The following HYAL1 variants were observed in gnomAD, a reference collection of about 807,000 sequenced individuals.
HYAL1 encodes hyaluronidase-1.
Under a neutral mutation model 28.8 loss-of-function variants are expected in HYAL1, and 21 were observed. The ratio of observed to expected loss-of-function variants is 0.73; its 90% CI spans 0.52 to 1.05. The LOEUF (loss-of-function observed/expected upper bound fraction) is 1.05, where lower values mean the gene tolerates loss of function less well. Among genes scored for constraint, HYAL1 ranks in the 50% least tolerant of loss-of-function variants. HYAL1 has a pLI of 0.00. For missense variants in HYAL1, 491 were observed against 579.2 expected (o/e 0.85, Z 1.56); for synonymous variants, 200 against 230.1 (o/e 0.87, Z 1.18).
intron 1 of HYAL1, among the ~76,000 whole-genome samples, chr3:50,310,067 C>A (rs4688734): frequency 1.3e-5 from 2 of 151,242 alleles, no homozygotes; most frequent in African/African-American, 4.9e-5. Flanking sequence ...AGAATAAAAT[C>A]ATGTTTCAAA....
chr3:50,308,442 ATATTAT>A (rs782455940), upstream of HYAL1, among the ~76,000 whole-genome samples: 10 of 149,300 alleles, frequency 6.7e-5, no homozygotes, highest in Admixed American at 3.3e-4. Context: ...GTCGTATTAT[ATATTAT>A]TATTATTATT....
rs782042512 is a variant in HYAL1, at chr3:50,299,988, G to A, written c.*495C>T. ...CCACAAACTCAGTAGGAGTGCAAGG[G>A]CTGTACCCCCGGAGCTAGACAGCCT... is the stretch of plus-strand genomic sequence containing the variant. On this transcript the variant is annotated 3_prime_UTR_variant, in exon 4 of 4. Coordinates refer to ENST00000395144, the MANE Select transcript of HYAL1 (RefSeq NM_033159.4). 8.7e-6 allele frequency: 2 copies of A among 230,060 alleles called. No individual in the cohort carries two copies. Among genetic ancestry groups the A allele is most frequent in the Non-Finnish European group, 1.8e-5 (2 of 113,838 alleles). The allele number at this position is 230,060 out of a possible 1,614,324, so 14.3% of individuals were successfully genotyped here. A position where few individuals can be genotyped will look rare whatever the true frequency, so the allele number is the denominator to read the frequency against.
At chr3:50,300,939 T>TGGGGGGGGGGGGGGGGGGGGGGGGGG in intron 3 of HYAL1, 49 bp downstream of exon 3, 5 of 959,362 alleles carry the variant, frequency 5.2e-6, no homozygotes, top group Non-Finnish European at 8.4e-6. Context: ...GTCAGCTTAA[T>TGGGGGGGGGGGGGGGGGGGGGGGGGG]GGCCCCACCC....
In HYAL1 at chr3:50,300,488, A is replaced by C; in HGVS notation, c.1303T>G (p.Trp435Gly). 2 of 1,614,124 alleles carry C rather than the reference A, an allele frequency of 1.2e-6. No homozygotes were observed. Among genetic ancestry groups the C allele is most frequent in the Non-Finnish European group, 1.7e-6 (2 of 1,180,002 alleles). The change falls in exon 4 of 4, where the codon TGG becomes GGG. Residue 435 changes from tryptophan (W) to glycine (G), a missense_variant. Coordinates refer to ENST00000395144, the MANE Select transcript of HYAL1 (RefSeq NM_033159.4). ...GCAACTCAGTGTGTGGCCAATCACC[A>C]CATGCTCTTCCGCTCACACCACGGT... ...QAPWCERKSM[W>G]
At chr3:50,308,511 G>A (rs587643913), upstream of HYAL1, among the ~76,000 whole-genome samples, 47 of 149,912 alleles carry the variant, frequency 3.1e-4, 1 homozygote, top group Admixed American at 9.9e-4. Context: ...GCAGTGGCGC[G>A]ATCTCAGCTC....
At chr3:50,304,297 ATATATATAT>A (rs1378104373), upstream of HYAL1, among the ~76,000 whole-genome samples, 70 of 14,768 alleles carry the variant, frequency 4.7e-3, 2 homozygotes, top group East Asian at 0.024. Context: ...AAAAAAAAAA[ATATATATAT>A]ATATATATAT....
intron 3 of HYAL1, 49 bp downstream of exon 3, chr3:50,300,939 T>TGGGGGGGGGG: frequency 2.5e-5 from 24 of 959,336 alleles, no homozygotes; most frequent in Middle Eastern, 2.5e-4. Context: ...GTCAGCTTAA[T>TGGGGGGGGGG]GGCCCCACCC....
intron 1 of HYAL1, chr3:50,303,257 T>G (rs1702245257): frequency 3.2e-6 from 1 of 317,124 alleles, no homozygotes; most frequent in African/African-American, 2.1e-5. Context: ...CATGAGCCAC[T>G]GAGGCCATGA....
chr3:50,300,470 A>G lies in HYAL1; in HGVS notation c.*13T>C, dbSNP rs377022984. ...ATTAGGTTCTCAATATGTGCAACTC[A>G]GTGTGTGGCCAATCACCACATGCTC... On this transcript the variant is annotated 3_prime_UTR_variant, in exon 4 of 4. Coordinates refer to ENST00000395144, the MANE Select transcript of HYAL1 (RefSeq NM_033159.4). The G allele has an allele frequency of 6.2e-7, 1 of 1,613,910 alleles. No individual in the cohort carries two copies. The highest frequency in any genetic ancestry group is 1.1e-5 in the South Asian group (1 of 91,080).
chr3:50,308,299 G>T (rs1324265782), upstream of HYAL1, among the ~76,000 whole-genome samples: 2 of 149,978 alleles, frequency 1.3e-5, 1 homozygote, highest in African/African-American at 5.0e-5. Context: ...GCTAATTTTT[G>T]TATTTTTGGT....
chr3:50,304,296 A>AAAAAATATATATATATAT (rs1553713686), upstream of HYAL1, among the ~76,000 whole-genome samples: 1 of 30,478 alleles, frequency 3.3e-5, no homozygotes, highest in African/African-American at 1.0e-4. Context: ...AAAAAAAAAA[A>AAAAAATATATATATATAT]ATATATATAT....
At chr3:50,311,095 C>T (rs1315634509) in intron 1 of HYAL1, among the ~76,000 whole-genome samples, 12 of 152,048 alleles carry the variant, frequency 7.9e-5, no homozygotes, top group Non-Finnish European at 1.2e-4. Flanking sequence ...CATCATGGCC[C>T]GTTCTCAATG....
chr3:50,311,571 G>T (rs1475358797), intron 1 of HYAL1, among the ~76,000 whole-genome samples: 5 of 141,360 alleles, frequency 3.5e-5, no homozygotes, highest in Non-Finnish European at 7.8e-5. Context: ...CAGGCGGGGG[G>T]CTGACCCCCC....
chr3:50,310,577 TTTTC>T (rs1198670701), intron 1 of HYAL1, among the ~76,000 whole-genome samples: 2 of 147,120 alleles, frequency 1.4e-5, no homozygotes, highest in Non-Finnish European at 3.0e-5. Context: ...CTGTGGTTTC[TTTTC>T]TTTTTTTTTT....
In HYAL1 at chr3:50,300,746, G is replaced by C; in HGVS notation, c.1045C>G (p.Leu349Val). 1 of 1,614,050 alleles carries C rather than the reference G, an allele frequency of 6.2e-7. No individual in the cohort carries two copies. Among genetic ancestry groups the C allele is most frequent in the Non-Finnish European group, 8.5e-7 (1 of 1,179,996 alleles). Residue 349 changes from leucine (L) to valine (V), a missense_variant, in exon 4 of 4, where the codon CTG becomes GTG. Coordinates refer to ENST00000395144, the MANE Select transcript of HYAL1 (RefSeq NM_033159.4). The part of the protein sequence containing the change: ...YMDTTLGPFI[L>V]NVTSGALLCS... ...AGAAGGGCCCCACTGGTCACGTTCA[G>C]GATGAAGGGCCCCAGTGTAGTGTCC...
At chr3:50,311,692 G>A (rs1470607257) in intron 1 of HYAL1, among the ~76,000 whole-genome samples, 14 of 146,296 alleles carry the variant, frequency 9.6e-5, no homozygotes, top group African/African-American at 2.0e-4. Flanking sequence ...CCTCCCTCCC[G>A]GACGGGGCGG....
intron 1 of HYAL1, among the ~76,000 whole-genome samples, chr3:50,311,820 G>T (rs1553714879): frequency 6.9e-6 from 1 of 145,810 alleles, no homozygotes; most frequent in Admixed American, 6.8e-5. Context: ...TCACCTCCCG[G>T]ATGGGGCGGC....
chr3:50,309,106 A>C (rs1399209260), intron 2 of HYAL1, among the ~76,000 whole-genome samples: 3 of 151,308 alleles, frequency 2.0e-5, no homozygotes, highest in Non-Finnish European at 4.4e-5. Context: ...TTTCTCCAGA[A>C]TTTGGAAACT....
chr3:50,302,487 G>A lies in HYAL1; in HGVS notation c.470C>T (p.Ala157Val). The change falls in exon 2 of 4, where the codon GCA becomes GTA. Residue 157 changes from alanine to valine, a missense_variant. Coordinates refer to ENST00000395144, the MANE Select transcript of HYAL1 (RefSeq NM_033159.4). This position sits in a 1 kb window ranked among gnomAD's most constrained non-coding sequence, Gnocchi z 5.0. ...AGGAGCTGGCCAATCAGGGTGCTGT[G>A]CCTGTACCAGTGCCCGTGAGCGCTG... ...YRQRSRALVQ[A>V]QHPDWPAPQV... 1 of 1,614,182 alleles carries A rather than the reference G, an allele frequency of 6.2e-7. No homozygotes were observed. Among genetic ancestry groups the A allele is most frequent in the East Asian group, 2.2e-5 (1 of 44,890 alleles).
Sources: allele counts gnomAD v4.1 joint callset (sites outside exome capture counted in the v4.1 genomes callset), GRCh38; gene constraint gnomAD v4.1.1; non-coding constraint Gnocchi (gnomAD v3.1); transcripts MANE v1.5; gene names NCBI Gene and HGNC (gene_info 2026-07-23, HGNC 2026-07-21).